ARB2A: variants seen among roughly 807,000 people sequenced by gnomAD.
The protein encoded by ARB2A is ARB2 cotranscriptional regulator A, also known as cotranscriptional regulator ARB2A.
the ARB2A span, among the ~76,000 whole-genome samples, chr5:93,875,867 C>T: frequency 2.6e-3 from 397 of 150,942 alleles, no homozygotes; most frequent in Non-Finnish European, 4.7e-3. Context: ...GAAGCAAAAT[C>T]CGATATGAAC....
the ARB2A span, among the ~76,000 whole-genome samples, chr5:94,001,022 G>A: frequency 1.3e-5 from 2 of 151,938 alleles, no homozygotes; most frequent in Non-Finnish European, 2.9e-5. Flanking sequence ...CTATTACTTA[G>A]CCAATACCAC....
At chr5:94,049,998 G>A in the ARB2A span, among the ~76,000 whole-genome samples, 12 of 151,922 alleles carry the variant, frequency 7.9e-5, no homozygotes, top group East Asian at 2.1e-3. Context: ...GGAGTGCAAC[G>A]GTGTGATCAC....
chr5:93,697,366 T>C, the ARB2A span, among the ~76,000 whole-genome samples: 4 of 152,176 alleles, frequency 2.6e-5, no homozygotes, highest in Non-Finnish European at 4.4e-5. Flanking sequence ...GCTTGCCTTC[T>C]TTAAATTTTT....
At chr5:93,985,261 G>A in the ARB2A span, among the ~76,000 whole-genome samples, 1 of 152,112 alleles carries the variant, frequency 6.6e-6, no homozygotes, top group Non-Finnish European at 1.5e-5. Context: ...TTTTTTACTA[G>A]TCATAGCAAC....
At chr5:93,657,923 AC>A in the ARB2A span, among the ~76,000 whole-genome samples, 1 of 152,154 alleles carries the variant, frequency 6.6e-6, no homozygotes, top group Non-Finnish European at 1.5e-5. Context: ...AACAACAGTA[AC>A]CAAATTTGCT....
chr5:94,084,341 C>T, the ARB2A span, among the ~76,000 whole-genome samples: 1 of 148,812 alleles, frequency 6.7e-6, no homozygotes, highest in African/African-American at 2.5e-5. Flanking sequence ...AAAATAAATC[C>T]AACAAAAGAT....
the ARB2A span, among the ~76,000 whole-genome samples, chr5:93,778,615 A>C: frequency 1.3e-5 from 2 of 152,192 alleles, no homozygotes; most frequent in Non-Finnish European, 2.9e-5. Context: ...ACAGACAGGC[A>C]GCGATTAGGT....
the ARB2A span, among the ~76,000 whole-genome samples, chr5:93,883,602 A>C: frequency 6.6e-6 from 1 of 151,580 alleles, no homozygotes. Flanking sequence ...TTAAAATCAC[A>C]TTTGAAGGAA....
the ARB2A span, among the ~76,000 whole-genome samples, chr5:94,062,903 A>G: frequency 6.6e-6 from 1 of 152,174 alleles, no homozygotes; most frequent in African/African-American, 2.4e-5. Flanking sequence ...ACCATGGCAC[A>G]TTTTCACATG....
the ARB2A span, among the ~76,000 whole-genome samples, chr5:93,705,649 G>GTA: frequency 4.2e-5 from 6 of 141,356 alleles, no homozygotes; most frequent in South Asian, 4.4e-4. Context: ...GTGTGTGTGT[G>GTA]TGTATATATA....
chr5:93,859,248 A>G, the ARB2A span, among the ~76,000 whole-genome samples: 69 of 152,202 alleles, frequency 4.5e-4, no homozygotes, highest in Non-Finnish European at 9.4e-4. Context: ...ACAAATTTCT[A>G]GTGGTTAAAA....
the ARB2A span, chr5:93,741,580 G>A: frequency 1.1e-5 from 17 of 1,503,864 alleles, no homozygotes; most frequent in Admixed American, 4.5e-5. Context: ...AATGGCACCC[G>A]CAGCGGCTCT....
At chr5:93,991,002 C>T in the ARB2A span, among the ~76,000 whole-genome samples, 1 of 152,102 alleles carries the variant, frequency 6.6e-6, no homozygotes, top group East Asian at 1.9e-4. Flanking sequence ...AGAAAAATAA[C>T]TCTAGAAAGT....
the ARB2A span, among the ~76,000 whole-genome samples, chr5:93,971,523 C>T: frequency 1.3e-5 from 2 of 151,126 alleles, no homozygotes; most frequent in Middle Eastern, 3.2e-3. Flanking sequence ...GCTGAAATAG[C>T]GCCATTGCAC....
At chr5:93,949,683 C>T in the ARB2A span, among the ~76,000 whole-genome samples, 38 of 152,160 alleles carry the variant, frequency 2.5e-4, no homozygotes, top group African/African-American at 8.9e-4. Context: ...TTTAAATGTA[C>T]AATCAATCAT....
the ARB2A span, among the ~76,000 whole-genome samples, chr5:93,915,234 CA>C: frequency 6.6e-6 from 1 of 151,798 alleles, no homozygotes; most frequent in East Asian, 1.9e-4. Context: ...GCAAACCAAG[CA>C]ATTGGGCTCT....
the ARB2A span, among the ~76,000 whole-genome samples, chr5:93,835,804 A>G: frequency 2.0e-5 from 3 of 152,278 alleles, no homozygotes; most frequent in East Asian, 3.9e-4. Flanking sequence ...TACATTGGTG[A>G]TATCAACTGG....
the ARB2A span, among the ~76,000 whole-genome samples, chr5:93,913,779 G>A: frequency 6.6e-6 from 1 of 151,768 alleles, no homozygotes; most frequent in African/African-American, 2.4e-5. Flanking sequence ...TATGGTTGCT[G>A]GTCCAATATA....
At chr5:93,887,049 A>G in the ARB2A span, among the ~76,000 whole-genome samples, 3 of 151,754 alleles carry the variant, frequency 2.0e-5, no homozygotes, top group Non-Finnish European at 4.4e-5. Context: ...CCTGTTGTCT[A>G]TTATTTTTAC....
Sources: gnomAD v4.1 joint callset for allele counts (sites outside exome capture counted in the v4.1 genomes callset) on GRCh38, gnomAD v4.1.1 for gene constraint, MANE v1.5 for transcripts, NCBI Gene and HGNC (gene_info 2026-07-23, HGNC 2026-07-21) for gene names.